Variants in FTO observed in about 807,000 individuals in gnomAD.
The protein encoded by FTO is FTO alpha-ketoglutarate dependent dioxygenase.
A neutral mutation model predicts 63.9 loss-of-function variants in FTO; 47 were observed. The ratio of observed to expected loss-of-function variants is 0.74; its 90% CI spans 0.58 to 0.94. FTO has a LOEUF of 0.94. FTO is among the 40% of genes least tolerant of loss of function. The probability of loss-of-function intolerance (pLI) is 0.00; values close to 1 mark genes in which losing one functional copy is unlikely to be tolerated. For missense variants in FTO, 562 were observed against 618.1 expected (o/e 0.91, Z 0.96); for synonymous variants, 207 against 224.4 (o/e 0.92, Z 0.69).
At position 53,782,253 on chromosome 16, in the gene FTO, G is replaced by A. The variant is rs764430873; in HGVS notation, c.46-27887G>A. Among the ~76,000 whole-genome samples, 176 of 152,210 alleles carry A rather than the reference G, an allele frequency of 1.2e-3. 3 individuals are homozygous for A. Among genetic ancestry groups the A allele is most frequent in the South Asian group, 1.5e-3 (7 of 4,814 alleles). ...GAATGAGAGAATTTAACTAATTTCC[G>A]GTTTCCATAATCACTTTAAACTCGG... On this transcript the variant is annotated intron_variant, in intron 1 of 8. Coordinates refer to ENST00000471389, the MANE Select transcript of FTO (RefSeq NM_001080432.3).
intron 1 of FTO, among the ~76,000 whole-genome samples, chr16:53,781,964 T>A (rs537052034): frequency 6.6e-6 from 1 of 152,286 alleles, no homozygotes; most frequent in Non-Finnish European, 1.5e-5. Flanking sequence ...TAATGGGGAT[T>A]CATATGACAA....
chr16:53,969,177 G>A (rs902921573), intron 8 of FTO, among the ~76,000 whole-genome samples: 3 of 151,744 alleles, frequency 2.0e-5, no homozygotes, highest in Admixed American at 2.0e-4. Flanking sequence ...GAAAGTCCCA[G>A]GAGTGAAGTT....
chr16:53,868,732 C>A (rs1434320933), intron 4 of FTO, among the ~76,000 whole-genome samples: 1 of 152,068 alleles, frequency 6.6e-6, no homozygotes, highest in Non-Finnish European at 1.5e-5. Flanking sequence ...TGATCTATAT[C>A]ATTTTTCTTC....
chr16:54,018,135 A>C lies in FTO; in HGVS notation c.1364+84026A>C, dbSNP rs376436750. 3.9e-5 allele frequency among the ~76,000 whole-genome samples: 6 copies of C among 152,018 alleles called. No individual in the cohort carries two copies. In the South Asian group the frequency reaches 1.2e-3, roughly 32 times the overall value. The stretch of plus-strand genomic sequence containing the variant: ...TCATCTTTTGTAATGGATGCGTAAT[A>C]CTCTACCAAATATAGAGTATGTATT... On this transcript the variant is annotated intron_variant, in intron 8 of 8. Coordinates refer to ENST00000471389, the MANE Select transcript of FTO (RefSeq NM_001080432.3).
intron 2 of FTO, among the ~76,000 whole-genome samples, chr16:53,824,393 G>C (rs1012121255): frequency 2.0e-5 from 3 of 152,086 alleles, no homozygotes; most frequent in African/African-American, 7.2e-5. Flanking sequence ...TCATATTTCT[G>C]GTGCCTTCTT....
At chr16:53,876,173 C>T (rs1432757615) in intron 5 of FTO, among the ~76,000 whole-genome samples, 2 of 152,132 alleles carry the variant, frequency 1.3e-5, no homozygotes, top group African/African-American at 4.8e-5. Context: ...GGCCAACCAG[C>T]CCCTCATTCC....
intron 7 of FTO, among the ~76,000 whole-genome samples, chr16:53,900,200 T>A (rs2081366882): frequency 6.6e-6 from 1 of 152,182 alleles, no homozygotes; most frequent in Non-Finnish European, 1.5e-5. Context: ...ATCTGTCTTT[T>A]AATTTTTTTT....
At chr16:53,785,898 G>A (rs1292255005) in intron 1 of FTO, among the ~76,000 whole-genome samples, 1 of 142,546 alleles carries the variant, frequency 7.0e-6, no homozygotes, top group African/African-American at 2.6e-5. Context: ...GACAGAGCGA[G>A]ACTCCATCTC....
At position 53,773,088 on chromosome 16, in the gene FTO, T is replaced by G. The variant is rs562119243; in HGVS notation, c.46-37052T>G. 8.1e-3 allele frequency among the ~76,000 whole-genome samples: 698 copies of G among 86,354 alleles called. 2 individuals are homozygous for G. Among genetic ancestry groups the G allele is most frequent in the African/African-American group, 0.035 (432 of 12,176 alleles). The allele number at this position is 86,354 out of a possible 152,430, so 56.7% of individuals were successfully genotyped here. ...TGATTACTTGGGCCTTTGATTTATT[T>G]ATTTATTTTTTTTTTTGAGGAGTTC... is the stretch of plus-strand genomic sequence containing the variant. On this transcript the variant is annotated intron_variant, in intron 1 of 8. Transcript: ENST00000471389.
chr16:53,762,820 C>T (rs2077101414), intron 1 of FTO, among the ~76,000 whole-genome samples: 1 of 152,186 alleles, frequency 6.6e-6, no homozygotes, highest in South Asian at 2.1e-4. Context: ...AAGTTTTAAT[C>T]AGTCCTTAAC....
intron 4 of FTO, among the ~76,000 whole-genome samples, chr16:53,865,546 C>G (rs1041550712): frequency 2.6e-5 from 4 of 152,074 alleles, no homozygotes; most frequent in African/African-American, 9.7e-5. Flanking sequence ...TGTGAAAACC[C>G]CAAGAGTTGT....
chr16:53,855,757 A>C (rs1353000770), intron 4 of FTO, among the ~76,000 whole-genome samples: 1 of 152,208 alleles, frequency 6.6e-6, no homozygotes, highest in Non-Finnish European at 1.5e-5. Flanking sequence ...TCTTTTCCTT[A>C]CATCTAGTCT....
At chr16:53,768,829 T>C (rs1330567974) in intron 1 of FTO, among the ~76,000 whole-genome samples, 1 of 152,194 alleles carries the variant, frequency 6.6e-6, no homozygotes, top group Non-Finnish European at 1.5e-5. Flanking sequence ...CAACCACCCT[T>C]GGAATTCCTC....
In FTO at chr16:53,826,226, G is replaced by A; in HGVS notation, c.486G>A (p.Lys162=). 1.2e-6 allele frequency: 2 copies of A among 1,614,204 alleles called. No homozygotes were observed. Among genetic ancestry groups the A allele is most frequent in the Non-Finnish European group, 1.7e-6 (2 of 1,180,038 alleles). The part of the protein sequence containing the change: ...QALEELAAKE[K]ANEDAVPLCM... ...TGGAAGAACTTGCTGCCAAAGAGAA[G>A]GCTAATGAGGATGCTGTGCCATTGT... Residue 162 remains lysine, a synonymous_variant, in exon 3 of 9, where the codon AAG becomes AAA. Transcript: ENST00000471389.
intron 8 of FTO, chr16:54,040,654 G>A (rs1599256814): frequency 2.0e-5 from 3 of 152,350 alleles, no homozygotes. Flanking sequence ...GTCACATGAA[G>A]ACATGGAGTT....
intron 2 of FTO, among the ~76,000 whole-genome samples, chr16:53,815,636 G>GTTTTTCTTGTTTT (rs1456280699): frequency 3.1e-5 from 3 of 98,160 alleles, no homozygotes; most frequent in African/African-American, 1.1e-4. Context: ...TGACTTTCTT[G>GTTTTTCTTGTTTT]TTTTTTTTTT....
At chr16:53,982,196 G>A (rs548298585) in intron 8 of FTO, among the ~76,000 whole-genome samples, 2 of 152,146 alleles carry the variant, frequency 1.3e-5, no homozygotes, top group Non-Finnish European at 2.9e-5. Flanking sequence ...CATTAAGAAG[G>A]AGGTGTTCTA....
At chr16:54,016,724 T>C (rs1371193216) in intron 8 of FTO, among the ~76,000 whole-genome samples, 1 of 152,192 alleles carries the variant, frequency 6.6e-6, no homozygotes, top group Admixed American at 6.6e-5. Flanking sequence ...CTTTTCTCTC[T>C]CTTCTTGGTT....
intron 6 of FTO, 23 bp downstream of exon 6, chr16:53,880,010 T>C: frequency 6.3e-7 from 1 of 1,595,900 alleles, no homozygotes. Flanking sequence ...TTTTTTTTTT[T>C]TTGAGATGGA....
Sources: allele counts gnomAD v4.1 joint callset (sites outside exome capture counted in the v4.1 genomes callset), GRCh38; gene constraint gnomAD v4.1.1; transcripts MANE v1.5; gene names NCBI Gene and HGNC (gene_info 2026-07-23, HGNC 2026-07-21).